PTPN23: variants seen among roughly 807,000 people sequenced by gnomAD.
PTPN23 encodes tyrosine-protein phosphatase non-receptor type 23.
A neutral mutation model predicts 156.3 loss-of-function variants in PTPN23; 72 were observed. The ratio of observed to expected loss-of-function variants is 0.46; its 90% CI spans 0.38 to 0.56. The LOEUF is 0.56. PTPN23 is among the 20% of genes least tolerant of loss of function. PTPN23 has a pLI of 0.00. For missense variants in PTPN23, 1,974 were observed against 2,171.5 expected (o/e 0.91, Z 1.81); for synonymous variants, 957 against 899.6 (o/e 1.06, Z -1.14).
In PTPN23 at chr3:47,410,021, C is replaced by T. The variant is rs754791243; in HGVS notation, c.2223C>T (p.Pro741=). 2 of 1,610,284 alleles carry T rather than the reference C, an allele frequency of 1.2e-6. No individual in the cohort carries two copies. Among genetic ancestry groups the T allele is most frequent in the South Asian group, 2.2e-5 (2 of 90,372 alleles). ...GTGAGGCAGTGGAAGCAGGAGACCC[C>T]CCTGAGGAGCTGCGCAGCCTCCCCC... The part of the protein sequence containing the change: ...EESEAVEAGD[P]PEELRSLPPD... The change falls in exon 20 of 25, where the codon CCC becomes CCT. Residue 741 remains proline, a synonymous_variant. Coordinates refer to ENST00000265562, the MANE Select transcript of PTPN23 (RefSeq NM_015466.4).
In PTPN23 at chr3:47,412,429, T is replaced by C. The variant is rs1485168547; in HGVS notation, c.4317+8T>C. ...CACATGCTGCAGGAGAAGGTGAGGA[T>C]CTGGGCAGATGGGGCTGGGATGGGC... On this transcript the variant is annotated splice_region_variant and intron_variant, in intron 23 of 24. Transcript: ENST00000265562. The C allele has an allele frequency of 6.2e-7, 1 of 1,612,584 alleles. No homozygotes were observed. The highest frequency in any genetic ancestry group is 1.7e-5 in the Admixed American group (1 of 59,956).
rs750898360 is a variant in PTPN23 at position 47,413,231 on chromosome 3, ATGCCCACC to A, written c.*54_*61del. 32 of 1,522,322 alleles carry A rather than the reference ATGCCCACC, an allele frequency of 2.1e-5. No homozygotes were observed. Among genetic ancestry groups the A allele is most frequent in the Non-Finnish European group, 2.8e-5 (31 of 1,117,154 alleles). 94.3% of individuals were successfully genotyped at this position (1,522,322 alleles called of 1,614,324 possible). A position where few individuals can be genotyped will look rare whatever the true frequency, so the allele number is the denominator to read the frequency against. On this transcript the variant is annotated 3_prime_UTR_variant, in exon 25 of 25. Transcript: ENST00000265562. ...CCTTACACTACATCATCATCATCTC[ATGCCCACC>A]TGCCCACACCCAGCAGAGCTTCTCA...
At position 47,408,795 on chromosome 3, in the gene PTPN23, G is replaced by A; in HGVS notation, c.1350G>A (p.Thr450=). Residue 450 remains threonine (T), a synonymous_variant, in exon 16 of 25, where the codon ACG becomes ACA. Transcript: ENST00000265562. Reference sequence around the variant, plus strand: ...CCCCAGTGCTGTCAGGTGTGTTCACGGATGTGGAGGCTTCCCTGAAGGACA... The same window carrying A: ...CCCCAGTGCTGTCAGGTGTGTTCACAGATGTGGAGGCTTCCCTGAAGGACA... ...QSMQVLSGVF[T]DVEASLKDIR... The A allele has an allele frequency of 2.5e-6, 4 of 1,601,980 alleles. No homozygotes were observed. The highest frequency in any genetic ancestry group is 1.7e-5 in the Admixed American group (1 of 59,490).
chr3:47,381,281 C>T (rs1704531917), intron 1 of PTPN23, 101 bp downstream of exon 1: 7 of 1,485,542 alleles, frequency 4.7e-6, no homozygotes, highest in Non-Finnish European at 6.4e-6. Flanking sequence ...CAGGCCCGGT[C>T]GCAGGGTCCG....
At position 47,408,843 on chromosome 3, in the gene PTPN23, T is replaced by C. The variant is rs1419972020; in HGVS notation, c.1398T>C (p.Asp466=). 1 of 1,613,838 alleles carries C rather than the reference T, an allele frequency of 6.2e-7. No homozygotes were observed. Among genetic ancestry groups the C allele is most frequent in the Admixed American group, 1.7e-5 (1 of 60,018 alleles). The change falls in exon 16 of 25, where the codon GAT becomes GAC. Residue 466 remains aspartate, a synonymous_variant. Transcript: ENST00000265562. ...ACATCAGAGATCTGTTGGAGGAGGA[T>C]GAGCTGCTAGAGCAGAAGTTTCAGG... The part of the protein sequence containing the change: ...LKDIRDLLEE[D]ELLEQKFQEA...
intron 2 of PTPN23, among the ~76,000 whole-genome samples, chr3:47,404,259 C>G (rs1007168064): frequency 5.3e-5 from 8 of 152,112 alleles, no homozygotes; most frequent in African/African-American, 1.9e-4. Flanking sequence ...ATGGGGAAAC[C>G]CCGCCTCTAC....
rs1450840647 is a variant in PTPN23, at chr3:47,406,852, C to T, written c.807+102C>T. The T allele has an allele frequency of 1.4e-6, 2 of 1,449,802 alleles. No individual in the cohort carries two copies. Among genetic ancestry groups the T allele is most frequent in the African/African-American group, 2.8e-5 (2 of 71,496 alleles). The allele number at this position is 1,449,802 out of a possible 1,614,324, so 89.8% of individuals were successfully genotyped here. On this transcript the variant is annotated intron_variant, in intron 9 of 24. Coordinates refer to ENST00000265562, the MANE Select transcript of PTPN23 (RefSeq NM_015466.4). The surrounding 1 kb of genome is among the most constrained non-coding windows in gnomAD (Gnocchi z 5.8). ...CACCAGGGGGTGGCCTTCTCTGTCTCACCCTGGCCATCACCCTGCTGGAGG... is the reference window on the plus strand; with the variant it reads ...CACCAGGGGGTGGCCTTCTCTGTCTTACCCTGGCCATCACCCTGCTGGAGG...
chr3:47,381,312 C>T lies in PTPN23; in HGVS notation c.84+132C>T. On this transcript the variant is annotated intron_variant, in intron 1 of 24. Transcript: ENST00000265562. ...GTCCGGTGAGGCCAGGAGGGGCCTT[C>T]GCCGGTTTTCCTCAGCCTGTCCCAC... is the stretch of plus-strand genomic sequence containing the variant. 8 of 1,293,088 alleles carry T rather than the reference C, an allele frequency of 6.2e-6. No homozygotes were observed. In the South Asian group the frequency reaches 1.1e-4, roughly 18 times the overall value. The allele number at this position is 1,293,088 out of a possible 1,614,324, so 80.1% of individuals were successfully genotyped here. A position where few individuals can be genotyped will look rare whatever the true frequency, so the allele number is the denominator to read the frequency against.
In PTPN23 at chr3:47,405,468, G is replaced by T. The variant is rs1385009050; in HGVS notation, c.365-281G>T. 1 of 548,550 alleles carries T rather than the reference G, an allele frequency of 1.8e-6. No homozygotes were observed. Among genetic ancestry groups the T allele is most frequent in the Admixed American group, 3.3e-5 (1 of 30,408 alleles). 34.0% of individuals were successfully genotyped at this position (548,550 alleles called of 1,614,324 possible). A position where few individuals can be genotyped will look rare whatever the true frequency, so the allele number is the denominator to read the frequency against. The stretch of plus-strand genomic sequence containing the variant: ...TTAGCCTGGCTCAAGGGAGAAGCTT[G>T]GGGAGCCCCAGAGTTCTGTGCAAAC... On this transcript the variant is annotated intron_variant, in intron 4 of 24. Coordinates refer to ENST00000265562, the MANE Select transcript of PTPN23 (RefSeq NM_015466.4). This position sits in a 1 kb window ranked among gnomAD's most constrained non-coding sequence, Gnocchi z 4.7.
intron 1 of PTPN23, among the ~76,000 whole-genome samples, chr3:47,383,816 G>C (rs909325798): frequency 6.6e-6 from 1 of 152,216 alleles, no homozygotes; most frequent in Non-Finnish European, 1.5e-5. Flanking sequence ...GGTGGTATCA[G>C]ATATGAAACA....
Position 47,410,195 on chromosome 3 carries a change from C to T in PTPN23, c.2397C>T (p.Pro799=), listed in dbSNP as rs536166379. Reference sequence around the variant, plus strand: ...TGCCCCCTGGTACCTACTCGGGCCCCACCCAGCTGATACAGCCCAGGGCCC... The same window carrying T: ...TGCCCCCTGGTACCTACTCGGGCCCTACCCAGCTGATACAGCCCAGGGCCC... The part of the protein sequence containing the change: ...GPLPPGTYSG[P]TQLIQPRAPG... The change falls in exon 20 of 25, where the codon CCC becomes CCT. Residue 799 remains proline, a synonymous_variant. Transcript: ENST00000265562. 43 of 1,607,960 alleles carry T rather than the reference C, an allele frequency of 2.7e-5. No homozygotes were observed. Among genetic ancestry groups the T allele is most frequent in the East Asian group, 2.2e-4 (10 of 44,836 alleles).
chr3:47,407,639 A>C lies in PTPN23; in HGVS notation c.1003+55A>C. On this transcript the variant is annotated intron_variant, in intron 12 of 24. Coordinates refer to ENST00000265562, the MANE Select transcript of PTPN23 (RefSeq NM_015466.4). This position sits in a 1 kb window ranked among gnomAD's most constrained non-coding sequence, Gnocchi z 4.0. ...TGACGGTGGGGTGGGGACAGGACAC[A>C]GGAGGCTGCCTCAAGGACTCTGCGT... 4 of 1,606,258 alleles carry C rather than the reference A, an allele frequency of 2.5e-6. No homozygotes were observed. Among genetic ancestry groups the C allele is most frequent in the Non-Finnish European group, 3.4e-6 (4 of 1,173,094 alleles).
chr3:47,390,379 GTCT>G (rs36047968), intron 1 of PTPN23, among the ~76,000 whole-genome samples: 75,036 of 151,676 alleles, frequency 0.49, 20,123 homozygotes, highest in Non-Finnish European at 0.6. Flanking sequence ...CTCTCCACGG[GTCT>G]TCTTTTATTC....
Position 47,411,734 on chromosome 3 carries a change from G to C in PTPN23, c.3888+48G>C. 1 of 1,592,386 alleles carries C rather than the reference G, an allele frequency of 6.3e-7. No individual in the cohort carries two copies. Among genetic ancestry groups the C allele is most frequent in the Non-Finnish European group, 8.6e-7 (1 of 1,165,542 alleles). On this transcript the variant is annotated intron_variant, in intron 20 of 24. Transcript: ENST00000265562. The surrounding 1 kb of genome is among the most constrained non-coding windows in gnomAD (Gnocchi z 6.3). ...CACGAGGGCAGTGTGGGGTGGCAGG[G>C]CAGGGGATCCTGGAAAACCAGGTCT...
At chr3:47,381,290 C>T in intron 1 of PTPN23, 110 bp downstream of exon 1, 2 of 1,447,124 alleles carry the variant, frequency 1.4e-6, no homozygotes, top group Non-Finnish European at 1.9e-6. Flanking sequence ...TCGCAGGGTC[C>T]GGTGAGGCCA....
rs1465062606 is a variant in PTPN23, at chr3:47,406,202, G to A, written c.547-123G>A. 1.4e-6 allele frequency: 2 copies of A among 1,451,664 alleles called. No individual in the cohort carries two copies. The highest frequency in any genetic ancestry group is 1.9e-6 in the Non-Finnish European group (2 of 1,060,686). The allele number at this position is 1,451,664 out of a possible 1,614,324, so 89.9% of individuals were successfully genotyped here. A position where few individuals can be genotyped will look rare whatever the true frequency, so the allele number is the denominator to read the frequency against. The stretch of plus-strand genomic sequence containing the variant: ...GAGCACCGTGGTGCTGCTTGGAGTG[G>A]GGGCAGCTGGGGGAGAGGGCAGTGA... On this transcript the variant is annotated intron_variant, in intron 6 of 24. Coordinates refer to ENST00000265562, the MANE Select transcript of PTPN23 (RefSeq NM_015466.4). This position sits in a 1 kb window ranked among gnomAD's most constrained non-coding sequence, Gnocchi z 5.8.
In PTPN23 at chr3:47,408,501, G is replaced by A; in HGVS notation, c.1330+11G>A. The stretch of plus-strand genomic sequence containing the variant: ...TACAGTCCATGCAAGGTGAGTAAGG[G>A]GCAGAGCAAGCAGGTGGAAGGGAGT... On this transcript the variant is annotated intron_variant, in intron 15 of 24. Coordinates refer to ENST00000265562, the MANE Select transcript of PTPN23 (RefSeq NM_015466.4). The A allele has an allele frequency of 6.2e-7, 1 of 1,604,558 alleles. No homozygotes were observed.
intron 2 of PTPN23, among the ~76,000 whole-genome samples, chr3:47,402,435 A>C (rs2107710041): frequency 6.6e-6 from 1 of 152,048 alleles, no homozygotes; most frequent in Admixed American, 6.5e-5. Context: ...GCGCACCATC[A>C]TGCCTGGCTA....
rs1339654552 is a variant in PTPN23 at position 47,410,835 on chromosome 3, C to T, written c.3037C>T (p.Pro1013Ser). Residue 1013 changes from proline (P) to serine (S), a missense_variant, in exon 20 of 25, where the codon CCC (proline) becomes TCC (serine). Pro to Ser is a moderately conservative substitution (Grantham distance 74). This residue lies in a region of PTPN23 where 731 missense variants were observed against 669.1 expected (regional missense o/e 1.09). Coordinates refer to ENST00000265562, the MANE Select transcript of PTPN23 (RefSeq NM_015466.4). ...TGGGGTCCTGGGGCAGCCGCCACCC[C>T]CCCTACACACCCAGCTCTACCCAGG... ...QPGVLGQPPP[P>S]LHTQLYPGPA... The T allele has an allele frequency of 1.2e-6, 2 of 1,603,380 alleles. No homozygotes were observed. The highest frequency in any genetic ancestry group is 1.7e-6 in the Non-Finnish European group (2 of 1,171,944).
Sources: allele counts gnomAD v4.1 joint callset (sites outside exome capture counted in the v4.1 genomes callset), GRCh38; gene constraint gnomAD v4.1.1; regional missense constraint gnomAD v4.1.1; non-coding constraint Gnocchi (gnomAD v3.1); transcripts MANE v1.5; gene names NCBI Gene and HGNC (gene_info 2026-07-23, HGNC 2026-07-21).